The following SGCZ variants were observed in gnomAD, a reference collection of about 807,000 sequenced individuals.
SGCZ encodes zeta-sarcoglycan.
SGCZ carries 40 observed loss-of-function variants against 41.3 expected under a neutral mutation model. The ratio of observed to expected loss-of-function variants is 0.97; its 90% CI spans 0.75 to 1.26. The LOEUF (loss-of-function observed/expected upper bound fraction) is 1.26, where lower values mean the gene tolerates loss of function less well. Ranked by LOEUF, SGCZ falls within the 50% of genes most tolerant of loss-of-function variation. The pLI is 0.00. For missense variants in SGCZ, 552 were observed against 369.8 expected (o/e 1.49, Z -4.04); for synonymous variants, 206 against 137.5 (o/e 1.50, Z -3.49).
chr8:14,278,178 C>A (rs978697465), intron 3 of SGCZ, among the ~76,000 whole-genome samples: 1 of 152,082 alleles, frequency 6.6e-6, no homozygotes, highest in Non-Finnish European at 1.5e-5. Flanking sequence ...TTATTACCCT[C>A]ATAAAATTGC....
At chr8:14,834,912 T>G (rs1378511552) in intron 1 of SGCZ, among the ~76,000 whole-genome samples, 1 of 152,166 alleles carries the variant, frequency 6.6e-6, no homozygotes, top group African/African-American at 2.4e-5. Flanking sequence ...TCCCTCTCCC[T>G]GCTTTTTAGC....
chr8:14,890,107 C>T (rs1804956625), intron 1 of SGCZ, among the ~76,000 whole-genome samples: 1 of 151,988 alleles, frequency 6.6e-6, no homozygotes, highest in African/African-American at 2.4e-5. Context: ...GTCCCAGCTA[C>T]TCGGGAGGCT....
chr8:15,228,881 C>T (rs1801856152), intron 1 of SGCZ, among the ~76,000 whole-genome samples: 2 of 152,158 alleles, frequency 1.3e-5, no homozygotes, highest in South Asian at 2.1e-4. Context: ...TTATAATCTT[C>T]GTAGCTCTTG....
At chr8:14,389,597 G>C (rs148942789) in intron 2 of SGCZ, among the ~76,000 whole-genome samples, 6 of 151,720 alleles carry the variant, frequency 4.0e-5, no homozygotes, top group African/African-American at 1.5e-4. Flanking sequence ...AATAAAGATC[G>C]TCTTAGACAA....
chr8:14,498,816 T>C (rs920954256), intron 2 of SGCZ, among the ~76,000 whole-genome samples: 1 of 152,062 alleles, frequency 6.6e-6, no homozygotes, highest in African/African-American at 2.4e-5. Context: ...TGTTTAATTT[T>C]TGTGCAATAT....
intron 7 of SGCZ, among the ~76,000 whole-genome samples, chr8:14,093,721 GTA>G (rs1210806486): frequency 6.6e-6 from 1 of 151,984 alleles, no homozygotes; most frequent in East Asian, 1.9e-4. Context: ...TATATCATAA[GTA>G]TATATATTTT....
chr8:14,853,259 C>T (rs1803406100), intron 1 of SGCZ, among the ~76,000 whole-genome samples: 1 of 152,132 alleles, frequency 6.6e-6, no homozygotes, highest in Non-Finnish European at 1.5e-5. Flanking sequence ...TCAAAATGCT[C>T]ATGTGAGGAA....
intron 2 of SGCZ, among the ~76,000 whole-genome samples, chr8:14,484,065 A>C (rs1330906965): frequency 6.6e-6 from 1 of 151,380 alleles, no homozygotes; most frequent in African/African-American, 2.5e-5. Context: ...TAGACATCAC[A>C]TGTTACTTTA....
chr8:14,164,493 A>G, intron 5 of SGCZ, 87 bp downstream of exon 5: 1 of 1,504,278 alleles, frequency 6.6e-7, no homozygotes, highest in East Asian at 2.3e-5. Flanking sequence ...TAGGCATAGG[A>G]ATCATCCATC....
At chr8:14,973,595 T>A (rs556393198) in intron 1 of SGCZ, among the ~76,000 whole-genome samples, 234 of 152,308 alleles carry the variant, frequency 1.5e-3, no homozygotes, top group Middle Eastern at 3.4e-3. Context: ...ACTTAAGTAT[T>A]GACATCCAAT....
chr8:14,342,710 T>C (rs1479676158), intron 2 of SGCZ, among the ~76,000 whole-genome samples: 1 of 152,162 alleles, frequency 6.6e-6, no homozygotes, highest in Admixed American at 6.5e-5. Context: ...GCATAAAGGC[T>C]TGGAAATTAT....
intron 1 of SGCZ, among the ~76,000 whole-genome samples, chr8:15,038,686 AG>A (rs1203963199): frequency 6.6e-6 from 1 of 151,994 alleles, no homozygotes; most frequent in Non-Finnish European, 1.5e-5. Context: ...GAGAATGGTA[AG>A]AAAAAATTGT....
At chr8:15,209,588 G>C (rs932542348) in intron 1 of SGCZ, among the ~76,000 whole-genome samples, 2 of 151,688 alleles carry the variant, frequency 1.3e-5, no homozygotes, top group African/African-American at 4.9e-5. Context: ...TTGTGGGATA[G>C]ACATTTTGCT....
intron 1 of SGCZ, among the ~76,000 whole-genome samples, chr8:14,858,767 T>C (rs903284246): frequency 6.6e-6 from 1 of 152,174 alleles, no homozygotes; most frequent in Non-Finnish European, 1.5e-5. Context: ...ACCAATTTTC[T>C]AAGTAGTGAC....
Position 14,554,074 on chromosome 8 carries a change from T to C in SGCZ, c.234+658A>G, listed in dbSNP as rs117664570. 7.1e-3 allele frequency among the ~76,000 whole-genome samples: 1,084 copies of C among 152,218 alleles called. 5 individuals are homozygous for C. The highest frequency in any genetic ancestry group is 0.017 in the Middle Eastern group (5 of 294). On this transcript the variant is annotated intron_variant, in intron 2 of 7. Coordinates refer to ENST00000382080, the MANE Select transcript of SGCZ (RefSeq NM_139167.4). ...CATGCTCATAGATTTATTATAAACA[T>C]TCAGTAAACTGCAGCAAACTTCATT...
chr8:14,993,613 G>T (rs1030662315), intron 1 of SGCZ, among the ~76,000 whole-genome samples: 7 of 152,146 alleles, frequency 4.6e-5, no homozygotes, highest in Non-Finnish European at 1.0e-4. Flanking sequence ...CAATCAGAAA[G>T]CATAATTTGA....
chr8:14,381,708 C>A (rs1804371991), intron 2 of SGCZ, among the ~76,000 whole-genome samples: 1 of 151,856 alleles, frequency 6.6e-6, no homozygotes, highest in Admixed American at 6.6e-5. Context: ...GTCTCTTGAG[C>A]CCAGGAGGTC....
At position 15,105,186 on chromosome 8, in the gene SGCZ, A is replaced by G. The variant is rs184199669; in HGVS notation, c.39+132399T>C. Reference sequence around the variant, plus strand: ...TATTCAAGACCTTACACATTTGTCTATTAATCCTATCTTTTATTTGTTGTA... The same window carrying G: ...TATTCAAGACCTTACACATTTGTCTGTTAATCCTATCTTTTATTTGTTGTA... On this transcript the variant is annotated intron_variant, in intron 1 of 7. Coordinates refer to ENST00000382080, the MANE Select transcript of SGCZ (RefSeq NM_139167.4). Among the ~76,000 whole-genome samples, 362 of 152,312 alleles carry G rather than the reference A, an allele frequency of 2.4e-3. 2 individuals carry two copies. Among genetic ancestry groups the G allele is most frequent in the African/African-American group, 7.7e-3 (318 of 41,564 alleles).
chr8:14,767,397 A>T (rs1172347289), intron 1 of SGCZ, among the ~76,000 whole-genome samples: 1 of 152,188 alleles, frequency 6.6e-6, no homozygotes, highest in Non-Finnish European at 1.5e-5. Flanking sequence ...TTTTTAGTAG[A>T]CCCAGGAAAA....
Sources: allele counts gnomAD v4.1 joint callset (sites outside exome capture counted in the v4.1 genomes callset), GRCh38; gene constraint gnomAD v4.1.1; transcripts MANE v1.5; gene names NCBI Gene and HGNC (gene_info 2026-07-23, HGNC 2026-07-21).